ZFHX3: variants seen among roughly 807,000 people sequenced by gnomAD.
The protein encoded by ZFHX3 is zinc finger homeobox 3.
A neutral mutation model predicts 279.1 loss-of-function variants in ZFHX3; 42 were observed. The observed-to-expected ratio is 0.15, with a 90% CI of 0.12 to 0.19. The LOEUF is 0.19. Ranked by LOEUF, ZFHX3 falls within the 10% of genes least tolerant of loss-of-function variation. The probability of loss-of-function intolerance (pLI) is 1.00; values close to 1 mark genes in which losing one functional copy is unlikely to be tolerated. For synonymous variants in ZFHX3, 2,293 were observed against 1,957.8 expected (o/e 1.17, Z -4.52); for missense variants, 4,981 against 4,754.0 (o/e 1.05, Z -1.40).
At chr16:73,457,222 C>G (rs993636027) in intron 2 of ZFHX3, among the ~76,000 whole-genome samples, 11 of 152,134 alleles carry the variant, frequency 7.2e-5, no homozygotes, top group Non-Finnish European at 1.5e-4. Context: ...GGTGGCATCT[C>G]TCTGGAAACC....
intron 5 of ZFHX3, among the ~76,000 whole-genome samples, chr16:73,147,260 A>T (rs969732912): frequency 6.6e-6 from 1 of 152,158 alleles, no homozygotes; most frequent in African/African-American, 2.4e-5. Context: ...TACAACGGGG[A>T]TGAATTTGGA....
chr16:73,527,112 C>G (rs947737655), intron 2 of ZFHX3, among the ~76,000 whole-genome samples: 4 of 152,136 alleles, frequency 2.6e-5, no homozygotes, highest in Non-Finnish European at 4.4e-5. Context: ...GAAAAGCAAT[C>G]TTGCCATCTC....
At chr16:72,799,148 G>A (rs1035164623) in intron 8 of ZFHX3, among the ~76,000 whole-genome samples, 1 of 152,326 alleles carries the variant, frequency 6.6e-6, no homozygotes, top group African/African-American at 2.4e-5. Flanking sequence ...TGTAGAATAT[G>A]TGAATTAATG....
At chr16:72,951,158 T>C (rs2144398162) in intron 2 of ZFHX3, among the ~76,000 whole-genome samples, 193 bp from the exon 3 acceptor site, 1 of 152,356 alleles carries the variant, frequency 6.6e-6, no homozygotes, top group African/African-American at 2.4e-5. Context: ...TGTTTCAATC[T>C]TTCCTGCGGA....
chr16:72,998,870 T>C (rs1238937055), intron 1 of ZFHX3, among the ~76,000 whole-genome samples: 1 of 152,212 alleles, frequency 6.6e-6, no homozygotes, highest in Admixed American at 6.5e-5. Context: ...ACTTATCTGG[T>C]CCATCAGATC....
At chr16:73,270,942 C>T (rs1221952927) in intron 4 of ZFHX3, among the ~76,000 whole-genome samples, 1 of 152,164 alleles carries the variant, frequency 6.6e-6, no homozygotes, top group African/African-American at 2.4e-5. Context: ...TAATGTGTAA[C>T]ATTTCTTCCC....
At chr16:73,835,505 T>C (rs888660708) in intron 1 of ZFHX3, among the ~76,000 whole-genome samples, 101 of 137,174 alleles carry the variant, frequency 7.4e-4, no homozygotes, top group Non-Finnish European at 4.7e-4. Context: ...AGTTTCACTC[T>C]TGTCATCAAG....
intron 1 of ZFHX3, among the ~76,000 whole-genome samples, chr16:73,818,769 A>G (rs1334935983): frequency 6.6e-6 from 1 of 152,198 alleles, no homozygotes; most frequent in African/African-American, 2.4e-5. Flanking sequence ...ATGTGTTTTC[A>G]AACTTAAATT....
At chr16:72,875,946 G>A (rs568708830) in intron 4 of ZFHX3, among the ~76,000 whole-genome samples, 16 of 152,172 alleles carry the variant, frequency 1.1e-4, no homozygotes, top group Admixed American at 4.6e-4. Flanking sequence ...CCCATGCCCC[G>A]GTGATTTTTG....
intron 1 of ZFHX3, among the ~76,000 whole-genome samples, chr16:72,991,900 G>A (rs1319270089): frequency 6.6e-6 from 1 of 152,202 alleles, no homozygotes; most frequent in Admixed American, 6.5e-5. Flanking sequence ...CAACCAGCAC[G>A]AGCCTGTGAT....
intron 5 of ZFHX3, among the ~76,000 whole-genome samples, chr16:72,813,373 T>G (rs2036517947): frequency 6.6e-6 from 1 of 152,254 alleles, no homozygotes; most frequent in Admixed American, 6.5e-5. Flanking sequence ...AAATTTGTTC[T>G]GATGTGGACA....
intron 6 of ZFHX3, among the ~76,000 whole-genome samples, chr16:73,137,058 CT>C (rs753777753): frequency 1.3e-5 from 2 of 152,036 alleles, no homozygotes; most frequent in Non-Finnish European, 2.9e-5. Context: ...CATTATGGAA[CT>C]GTCTTGAAAT....
intron 1 of ZFHX3, among the ~76,000 whole-genome samples, chr16:73,058,207 C>T (rs1051417251): frequency 6.9e-6 from 1 of 144,340 alleles, no homozygotes; most frequent in African/African-American, 2.5e-5. Context: ...GCGGCGGCGG[C>T]GCGGGGCCGG....
At chr16:73,597,204 G>C (rs766505853) in intron 2 of ZFHX3, among the ~76,000 whole-genome samples, 1 of 152,120 alleles carries the variant, frequency 6.6e-6, no homozygotes, top group African/African-American at 2.4e-5. Flanking sequence ...TTCTCATTCA[G>C]AACCCAGCAA....
chr16:73,809,810 T>A (rs1347385882), intron 1 of ZFHX3: 2 of 152,136 alleles, frequency 1.3e-5, no homozygotes, highest in African/African-American at 4.8e-5. Context: ...TTACCTAACC[T>A]AGTCTTGCCT....
chr16:73,232,108 C>T (rs902778653), intron 5 of ZFHX3: 1 of 152,120 alleles, frequency 6.6e-6, no homozygotes, highest in African/African-American at 2.4e-5. Context: ...GAATACAGGA[C>T]CCCCTCCTCA....
At chr16:73,121,334 T>C (rs1294128302) in intron 7 of ZFHX3, among the ~76,000 whole-genome samples, 1 of 152,194 alleles carries the variant, frequency 6.6e-6, no homozygotes. Flanking sequence ...CATAGTGAAA[T>C]GGTAATATTT....
chr16:73,281,777 A>T (rs967711350), intron 4 of ZFHX3, among the ~76,000 whole-genome samples: 1 of 152,230 alleles, frequency 6.6e-6, no homozygotes, highest in Non-Finnish European at 1.5e-5. Flanking sequence ...ATAGCTTTTT[A>T]TATGTCAATC....
intron 2 of ZFHX3, among the ~76,000 whole-genome samples, chr16:73,600,727 C>T (rs1003008199): frequency 8.5e-5 from 13 of 152,048 alleles, no homozygotes; most frequent in Admixed American, 2.6e-4. Context: ...GCCATTTTCT[C>T]TTCTAATGGC....
Sources: gnomAD v4.1 joint callset for allele counts (sites outside exome capture counted in the v4.1 genomes callset) on GRCh38, gnomAD v4.1.1 for gene constraint, MANE v1.5 for transcripts, NCBI Gene and HGNC (gene_info 2026-07-23, HGNC 2026-07-21) for gene names.